The following CIMIP6 variants were observed in gnomAD, a reference collection of about 807,000 sequenced individuals.
CIMIP6 encodes the protein ciliary microtubule inner protein 6.
chr2:54,376,141 T>C, the CIMIP6 span, among the ~76,000 whole-genome samples: 1 of 151,832 alleles, frequency 6.6e-6, no homozygotes, highest in Non-Finnish European at 1.5e-5. Flanking sequence ...ACTCAAGCAA[T>C]CCTCCTGCCT....
the CIMIP6 span, among the ~76,000 whole-genome samples, chr2:54,362,580 T>C: frequency 1.2e-4 from 19 of 152,254 alleles, no homozygotes; most frequent in Admixed American, 2.6e-4. Flanking sequence ...TGAGGCAGTC[T>C]CTCCAGAGCC....
chr2:54,338,201 A>G, the CIMIP6 span, among the ~76,000 whole-genome samples: 1 of 152,164 alleles, frequency 6.6e-6, no homozygotes, highest in Admixed American at 6.6e-5. Flanking sequence ...TGGAAGGCCA[A>G]GGCAGGAGGG....
chr2:54,349,992 G>A, the CIMIP6 span, among the ~76,000 whole-genome samples: 1 of 151,958 alleles, frequency 6.6e-6, no homozygotes, highest in South Asian at 2.1e-4. Flanking sequence ...TGGGATTACA[G>A]GCACCCACCA....
the CIMIP6 span, among the ~76,000 whole-genome samples, chr2:54,336,131 A>G: frequency 2.0e-5 from 3 of 152,218 alleles, no homozygotes; most frequent in African/African-American, 7.2e-5. Flanking sequence ...ACCCTTACAC[A>G]GTAAATTAGT....
the CIMIP6 span, among the ~76,000 whole-genome samples, chr2:54,332,292 A>G: frequency 6.6e-6 from 1 of 152,046 alleles, no homozygotes; most frequent in South Asian, 2.1e-4. Context: ...CTATTTTATT[A>G]TTGTCCTTAG....
chr2:54,383,384 T>C, the CIMIP6 span: 1 of 152,244 alleles, frequency 6.6e-6, no homozygotes, highest in South Asian at 2.1e-4. Flanking sequence ...AAGCAGCTTA[T>C]ATACAGGCTT....
chr2:54,353,543 G>C, the CIMIP6 span, among the ~76,000 whole-genome samples: 6 of 152,026 alleles, frequency 3.9e-5, no homozygotes, highest in African/African-American at 1.5e-4. Context: ...TTGGGAGTGG[G>C]GGGAGGGGGA....
the CIMIP6 span, among the ~76,000 whole-genome samples, chr2:54,368,879 C>T: frequency 0.49 from 75,183 of 152,030 alleles, 19,570 homozygotes; most frequent in Admixed American, 0.58. Flanking sequence ...GGAATTCTCT[C>T]GGACCCTGCC....
chr2:54,348,327 A>G, the CIMIP6 span, among the ~76,000 whole-genome samples: 1 of 152,184 alleles, frequency 6.6e-6, no homozygotes, highest in Non-Finnish European at 1.5e-5. Context: ...TTCTATTATC[A>G]GTTATTGCAT....
chr2:54,378,982 A>G, the CIMIP6 span, among the ~76,000 whole-genome samples: 12 of 152,338 alleles, frequency 7.9e-5, no homozygotes, highest in Middle Eastern at 3.4e-3. Flanking sequence ...ACCTCATGTG[A>G]CAGGCACGCA....
chr2:54,332,349 T>C, the CIMIP6 span, among the ~76,000 whole-genome samples: 1 of 152,232 alleles, frequency 6.6e-6, no homozygotes, highest in Non-Finnish European at 1.5e-5. Context: ...CTTTCCCCAT[T>C]AGAGTGTAAG....
At chr2:54,363,383 G>A in the CIMIP6 span, among the ~76,000 whole-genome samples, 1 of 152,258 alleles carries the variant, frequency 6.6e-6, no homozygotes, top group Admixed American at 6.5e-5. Context: ...TGTATGATTT[G>A]ATTCATGCCA....
chr2:54,366,455 A>T, the CIMIP6 span, among the ~76,000 whole-genome samples: 2 of 152,198 alleles, frequency 1.3e-5, no homozygotes, highest in African/African-American at 4.8e-5. Flanking sequence ...GCTTGTAGCA[A>T]ATTCTACTCC....
chr2:54,360,165 G>T, the CIMIP6 span: 23 of 1,493,082 alleles, frequency 1.5e-5, 1 homozygote, highest in Non-Finnish European at 2.0e-5. Context: ...AGCAATCTGC[G>T]TTCTCCTGGT....
the CIMIP6 span, among the ~76,000 whole-genome samples, chr2:54,359,419 T>C: frequency 2.0e-5 from 3 of 152,002 alleles, no homozygotes; most frequent in Admixed American, 6.6e-5. Flanking sequence ...ATAATTTGAA[T>C]CAGTCTTTGG....
the CIMIP6 span, among the ~76,000 whole-genome samples, chr2:54,337,858 C>T: frequency 8.5e-5 from 13 of 152,206 alleles, no homozygotes; most frequent in East Asian, 1.4e-3. Flanking sequence ...CAGAGAAAGA[C>T]TGAAGATACA....
the CIMIP6 span, among the ~76,000 whole-genome samples, chr2:54,372,819 G>A: frequency 6.6e-6 from 1 of 152,220 alleles, no homozygotes; most frequent in Admixed American, 6.5e-5. Flanking sequence ...GGTGGTGTTT[G>A]CTGCTCTGTT....
At chr2:54,343,190 A>G in the CIMIP6 span, among the ~76,000 whole-genome samples, 9 of 152,360 alleles carry the variant, frequency 5.9e-5, no homozygotes, top group African/African-American at 1.7e-4. Context: ...AGCACACTGC[A>G]TATAGTAAGT....
At chr2:54,378,456 G>A in the CIMIP6 span, among the ~76,000 whole-genome samples, 5 of 152,114 alleles carry the variant, frequency 3.3e-5, no homozygotes, top group African/African-American at 1.2e-4. Context: ...TAATTAATTG[G>A]CCAAATCATA....
Sources: allele counts gnomAD v4.1 joint callset (sites outside exome capture counted in the v4.1 genomes callset), GRCh38; gene constraint gnomAD v4.1.1; transcripts MANE v1.5; gene names NCBI Gene and HGNC (gene_info 2026-07-23, HGNC 2026-07-21).